STK31: variants seen among roughly 807,000 people sequenced by gnomAD.
STK31 encodes the protein serine/threonine-protein kinase 31.
In STK31, 89 loss-of-function variants were observed where a neutral mutation model predicts 129.7. The ratio of observed to expected loss-of-function variants is 0.69; its 90% CI spans 0.58 to 0.82. STK31 has a LOEUF of 0.82. STK31 is among the 40% of genes least tolerant of loss of function. The pLI, the probability that STK31 is intolerant of heterozygous loss-of-function variation, is 0.00. For missense variants in STK31, 1,187 were observed against 1,176.4 expected (o/e 1.01, Z -0.13); for synonymous variants, 448 against 395.3 (o/e 1.13, Z -1.58).
At chr7:23,814,375 T>G (rs1046153625) in intron 22 of STK31, among the ~76,000 whole-genome samples, 2 of 152,018 alleles carry the variant, frequency 1.3e-5, no homozygotes, top group African/African-American at 4.8e-5. Flanking sequence ...TGGGTGGAAC[T>G]TATTTGGATC....
intron 4 of STK31, among the ~76,000 whole-genome samples, chr7:23,724,435 C>G (rs1472701516): frequency 6.6e-6 from 1 of 152,150 alleles, no homozygotes; most frequent in East Asian, 1.9e-4. Flanking sequence ...ATTAAAGAGA[C>G]AAACAGGACA....
chr7:23,780,505 G>A (rs1324818829), intron 15 of STK31, among the ~76,000 whole-genome samples: 2 of 152,164 alleles, frequency 1.3e-5, no homozygotes, highest in Non-Finnish European at 2.9e-5. Context: ...AAAGATGTGA[G>A]TAGATAAGAG....
intron 23 of STK31, among the ~76,000 whole-genome samples, chr7:23,819,560 A>G (rs541630774): frequency 4.1e-5 from 6 of 146,920 alleles, no homozygotes; most frequent in Admixed American, 1.4e-4. Context: ...GATTACTGGC[A>G]TGCGCCACCA....
chr7:23,727,124 T>C, intron 4 of STK31, 117 bp from the exon 5 acceptor site: 1 of 762,636 alleles, frequency 1.3e-6, no homozygotes, highest in Non-Finnish European at 2.2e-6. Context: ...GAGAATTAAA[T>C]GAGTTATATA....
At chr7:23,716,371 C>T (rs1786323402) in intron 3 of STK31, among the ~76,000 whole-genome samples, 1 of 152,140 alleles carries the variant, frequency 6.6e-6, no homozygotes, top group Non-Finnish European at 1.5e-5. Context: ...CCTTGATTCA[C>T]TTGGGTAAGG....
intron 15 of STK31, among the ~76,000 whole-genome samples, chr7:23,773,910 T>C (rs1790362302): frequency 6.6e-6 from 1 of 152,002 alleles, no homozygotes; most frequent in Non-Finnish European, 1.5e-5. Flanking sequence ...GTATTTCTCC[T>C]AATGCTGTCT....
chr7:23,729,005 C>A, intron 5 of STK31, 86 bp from the exon 6 acceptor site: 1 of 1,239,640 alleles, frequency 8.1e-7, no homozygotes, highest in Non-Finnish European at 1.1e-6. Context: ...ATATACAGGT[C>A]ATTAACAGAG....
chr7:23,811,656 G>A (rs1793140109), intron 22 of STK31: 1 of 158,818 alleles, frequency 6.3e-6, no homozygotes, highest in Non-Finnish European at 1.4e-5. Flanking sequence ...TGATAGCAGT[G>A]CTCGCTTATA....
At chr7:23,754,197 C>A (rs2128093854) in intron 9 of STK31, 118 bp from the exon 10 acceptor site, 1 of 871,908 alleles carries the variant, frequency 1.1e-6, no homozygotes, top group Non-Finnish European at 1.7e-6. Context: ...AAAAGGTACC[C>A]CTTCAAAGCC....
chr7:23,711,497 A>G (rs1400217441), intron 1 of STK31, among the ~76,000 whole-genome samples: 2 of 151,958 alleles, frequency 1.3e-5, no homozygotes, highest in Non-Finnish European at 2.9e-5. Flanking sequence ...TGGAAAGTGC[A>G]GTATTTTAGT....
At chr7:23,772,016 T>C (rs1258583604) in intron 14 of STK31, 131 bp from the exon 15 acceptor site, 1 of 579,112 alleles carries the variant, frequency 1.7e-6, no homozygotes, top group Non-Finnish European at 2.8e-6. Flanking sequence ...TTGAAAATTA[T>C]AGATTTTCTT....
At chr7:23,824,545 CAG>C (rs1222852612) in intron 23 of STK31, among the ~76,000 whole-genome samples, 1 of 152,144 alleles carries the variant, frequency 6.6e-6, no homozygotes, top group African/African-American at 2.4e-5. Context: ...CATCTGCAAA[CAG>C]GGACAATTGG....
intron 15 of STK31, among the ~76,000 whole-genome samples, chr7:23,780,589 A>C (rs1030468210): frequency 5.3e-5 from 8 of 152,218 alleles, no homozygotes. Flanking sequence ...AGAGGGGTAG[A>C]GGAATAGTCA....
At chr7:23,772,083 A>G in intron 14 of STK31, 64 bp from the exon 15 acceptor site, 2 of 1,205,588 alleles carry the variant, frequency 1.7e-6, no homozygotes, top group Non-Finnish European at 1.1e-6. Flanking sequence ...GAAATAATAA[A>G]TGATCACTGT....
chr7:23,824,064 T>C (rs1028754232), intron 23 of STK31, among the ~76,000 whole-genome samples: 3 of 152,222 alleles, frequency 2.0e-5, no homozygotes, highest in African/African-American at 7.2e-5. Context: ...TGGCTTAGGA[T>C]TGACTTGGCA....
At chr7:23,754,546 TA>T (rs1396256458) in intron 10 of STK31, 72 bp downstream of exon 10, 141 of 1,458,340 alleles carry the variant, frequency 9.7e-5, no homozygotes, top group African/African-American at 2.6e-4. Flanking sequence ...TAATTTCTTC[TA>T]AAAAAAATAA....
chr7:23,831,173 G>T (rs552841908), intron 23 of STK31, among the ~76,000 whole-genome samples: 11 of 152,248 alleles, frequency 7.2e-5, no homozygotes, highest in African/African-American at 2.4e-4. Flanking sequence ...TGTAAAATCA[G>T]TTTTTTTAAA....
At chr7:23,769,857 A>G in intron 13 of STK31, 101 bp downstream of exon 13, 1 of 734,424 alleles carries the variant, frequency 1.4e-6, no homozygotes. Context: ...CTTGCTAGTT[A>G]GAAAGTATTA....
intron 11 of STK31, among the ~76,000 whole-genome samples, chr7:23,763,787 A>G (rs1173559846): frequency 8.1e-6 from 1 of 123,550 alleles, no homozygotes; most frequent in Non-Finnish European, 1.8e-5. Flanking sequence ...TTTCATTTGA[A>G]ATGTTTTCAT....
Sources: allele counts gnomAD v4.1 joint callset (sites outside exome capture counted in the v4.1 genomes callset), GRCh38; gene constraint gnomAD v4.1.1; transcripts MANE v1.5; gene names NCBI Gene and HGNC (gene_info 2026-07-23, HGNC 2026-07-21).